ADGRG2: variants seen among roughly 807,000 people sequenced by gnomAD.
The protein encoded by ADGRG2 is adhesion G protein-coupled receptor G2.
A neutral mutation model predicts 74.1 loss-of-function variants in ADGRG2; 26 were observed. The ratio of observed to expected loss-of-function variants is 0.35; its 90% CI spans 0.26 to 0.49. The LOEUF is 0.49. ADGRG2 is among the 20% of genes least tolerant of loss of function. The probability of loss-of-function intolerance (pLI) is 0.99; values close to 1 mark genes in which losing one functional copy is unlikely to be tolerated. For synonymous variants in ADGRG2, 296 were observed against 295.2 expected (o/e 1.00, Z -0.03); for missense variants, 619 against 763.1 (o/e 0.81, Z 2.22).
At chrX:19,113,894 C>A (rs1423429850) in intron 1 of ADGRG2, among the ~76,000 whole-genome samples, 1 of 109,636 alleles carries the variant, frequency 9.1e-6, no homozygotes, top group African/African-American at 3.3e-5. Context: ...CATGGCGCAA[C>A]CCCATCTCTA....
At chrX:19,080,359 G>A (rs1430714060) in intron 2 of ADGRG2, among the ~76,000 whole-genome samples, 1 of 110,470 alleles carries the variant, frequency 9.1e-6, no homozygotes, top group Non-Finnish European at 1.9e-5. Flanking sequence ...CATTCTTCAG[G>A]GTCTGCCCCC....
At chrX:19,003,325 C>A (rs1308393003) in intron 23 of ADGRG2, among the ~76,000 whole-genome samples, 1 of 110,590 alleles carries the variant, frequency 9.0e-6, no homozygotes, top group Non-Finnish European at 1.9e-5. Context: ...CTACCACACC[C>A]TTATTTTTTT....
At chrX:19,021,245 C>T (rs1397138699) in intron 13 of ADGRG2, 47 bp from the exon 14 acceptor site, 1 of 670,114 alleles carries the variant, frequency 1.5e-6, no homozygotes, top group Non-Finnish European at 2.4e-6. Flanking sequence ...AATGGGAAAC[C>T]TACTTACATA....
At chrX:19,004,144 G>A in intron 23 of ADGRG2, among the ~76,000 whole-genome samples, 1 of 111,647 alleles carries the variant, frequency 9.0e-6, no homozygotes, top group Non-Finnish European at 1.9e-5. Flanking sequence ...GTTTCGATTC[G>A]TTAATGCAAT....
intron 3 of ADGRG2, among the ~76,000 whole-genome samples, chrX:19,047,491 T>C (rs1256536059): frequency 2.7e-5 from 3 of 112,203 alleles, no homozygotes; most frequent in African/African-American, 9.7e-5. Context: ...ACACCTATGA[T>C]TGTGGTACTA....
At chrX:19,026,647 C>A (rs1275167800) in intron 11 of ADGRG2, among the ~76,000 whole-genome samples, 1 of 110,746 alleles carries the variant, frequency 9.0e-6, no homozygotes, top group Non-Finnish European at 1.9e-5. Flanking sequence ...AGGCGCCCAC[C>A]ACCACGCCCG....
intron 18 of ADGRG2, 107 bp from the exon 19 acceptor site, chrX:19,008,230 T>C: frequency 1.8e-6 from 1 of 541,841 alleles, no homozygotes; most frequent in South Asian, 5.1e-5. Context: ...GTGCCATTTT[T>C]TTTTTAAAAA....
rs760515563 is a variant in ADGRG2 at position 19,072,128 on chromosome X, C to T, written c.-1-3293G>A. ...GGATGGTTTTGAATGTGGCCCAATA[C>T]AAATTCGTAAACTTCCTTAAAACAT... is the stretch of plus-strand genomic sequence containing the variant. On this transcript the variant is annotated intron_variant, in intron 2 of 28. Transcript: ENST00000379869. 9.2e-5 allele frequency among the ~76,000 whole-genome samples: 10 copies of T among 108,733 alleles called. No individual in the cohort carries two copies. In the East Asian group the frequency reaches 2.9e-3, roughly 31 times the overall value. The allele number at this position is 108,733 out of a possible 115,157, so 94.4% of individuals were successfully genotyped here.
chrX:19,117,466 TC>T (rs1455934874), intron 1 of ADGRG2, among the ~76,000 whole-genome samples: 1 of 109,890 alleles, frequency 9.1e-6, no homozygotes, highest in Non-Finnish European at 1.9e-5. Flanking sequence ...CACCCAGCAT[TC>T]CCCCAAATAA....
At chrX:19,009,994 A>G (rs915958959) in intron 17 of ADGRG2, among the ~76,000 whole-genome samples, 2 of 111,227 alleles carry the variant, frequency 1.8e-5, no homozygotes, top group Non-Finnish European at 3.8e-5. Flanking sequence ...GTATTTTAGT[A>G]GAGACGGGGT....
intron 26 of ADGRG2, among the ~76,000 whole-genome samples, chrX:18,996,432 C>A (rs1441921155): frequency 9.0e-6 from 1 of 111,114 alleles, no homozygotes; most frequent in Non-Finnish European, 1.9e-5. Context: ...CCTCCCACAT[C>A]CTGTCCTTGG....
At position 19,009,468 on chromosome X, in the gene ADGRG2, G is replaced by T. The variant is rs1052925607; in HGVS notation, c.1422+158C>A. 6.3e-5 allele frequency among the ~76,000 whole-genome samples: 7 copies of T among 111,750 alleles called. No individual in the cohort carries two copies. Among genetic ancestry groups the T allele is most frequent in the South Asian group, 3.7e-4 (1 of 2,686 alleles). On this transcript the variant is annotated intron_variant, in intron 18 of 28. Transcript: ENST00000379869. Reference sequence around the variant, plus strand: ...GCTGGGATTACAGGTGTGAGCCATGGCACCCGGCTTGATTCTATGGTGCCT... The same window carrying T: ...GCTGGGATTACAGGTGTGAGCCATGTCACCCGGCTTGATTCTATGGTGCCT...
chrX:19,006,506 T>C (rs1466635645), intron 20 of ADGRG2, among the ~76,000 whole-genome samples: 1 of 110,393 alleles, frequency 9.1e-6, no homozygotes, highest in Non-Finnish European at 1.9e-5. Context: ...CTTGTGAAAA[T>C]GCACATTCTG....
At chrX:19,004,929 C>T in intron 22 of ADGRG2, 50 bp from the exon 23 acceptor site, 1 of 1,005,800 alleles carries the variant, frequency 9.9e-7, no homozygotes, top group Non-Finnish European at 1.4e-6. Flanking sequence ...TAAATAAATA[C>T]AAGACTTATG....
At chrX:19,020,690 G>C (rs2060570557) in intron 14 of ADGRG2, among the ~76,000 whole-genome samples, 1 of 111,741 alleles carries the variant, frequency 8.9e-6, no homozygotes, top group African/African-American at 3.3e-5. Flanking sequence ...CCAATGGACA[G>C]GTGTGGTGGC....
chrX:19,024,108 A>G (rs932909599), intron 11 of ADGRG2, among the ~76,000 whole-genome samples, 160 bp from the exon 12 acceptor site: 31 of 112,295 alleles, frequency 2.8e-4, no homozygotes, highest in Admixed American at 4.8e-4. Context: ...CTATGTGGCA[A>G]GAAAATAAAT....
At chrX:19,092,631 T>C (rs992321095) in intron 1 of ADGRG2, among the ~76,000 whole-genome samples, 1 of 111,387 alleles carries the variant, frequency 9.0e-6, no homozygotes, top group African/African-American at 3.3e-5. Context: ...GCACAGTCCC[T>C]TTTTACCTGC....
intron 2 of ADGRG2, among the ~76,000 whole-genome samples, chrX:19,074,839 G>A (rs1263894937): frequency 9.1e-6 from 1 of 109,928 alleles, no homozygotes; most frequent in East Asian, 2.9e-4. Flanking sequence ...CCAAAGTGCT[G>A]GGATTATAGG....
intron 1 of ADGRG2, among the ~76,000 whole-genome samples, chrX:19,115,592 A>C (rs1257432339): frequency 9.0e-6 from 1 of 110,825 alleles, no homozygotes; most frequent in Non-Finnish European, 1.9e-5. Context: ...ATAAGCACGG[A>C]GGAGGCTGTG....
Sources: allele counts gnomAD v4.1 joint callset (sites outside exome capture counted in the v4.1 genomes callset), GRCh38; gene constraint gnomAD v4.1.1; transcripts MANE v1.5; gene names NCBI Gene and HGNC (gene_info 2026-07-23, HGNC 2026-07-21).